The following FBXO42 variants were observed in gnomAD, a reference collection of about 807,000 sequenced individuals.
FBXO42 encodes F-box protein 42.
In FBXO42, 12 loss-of-function variants were observed where a neutral mutation model predicts 71.7. The observed-to-expected ratio is 0.17, with a 90% CI of 0.11 to 0.27. The LOEUF (loss-of-function observed/expected upper bound fraction) is 0.27. Among genes scored for constraint, FBXO42 ranks in the 10% least tolerant of loss-of-function variants. The pLI is 1.00. For synonymous variants in FBXO42, 325 were observed against 327.5 expected, an observed-to-expected ratio of 0.99 and a Z score of 0.08; for missense variants, 707 against 911.9, an observed-to-expected ratio of 0.78 and a Z score of 2.89.
chr1:16,290,200 T>C (rs968139014), intron 4 of FBXO42, among the ~76,000 whole-genome samples: 15 of 152,208 alleles, frequency 9.9e-5, no homozygotes, highest in African/African-American at 3.6e-4. Context: ...TCTATCATTT[T>C]GAAAGGAACT....
intron 1 of FBXO42, among the ~76,000 whole-genome samples, chr1:16,326,572 T>C (rs887332436): frequency 1.3e-5 from 2 of 150,448 alleles, no homozygotes; most frequent in Non-Finnish European, 1.5e-5. Context: ...TAGTCTCAGC[T>C]ACTCAGGAGG....
At chr1:16,310,488 G>A (rs867909928) in intron 2 of FBXO42, among the ~76,000 whole-genome samples, 41 of 152,076 alleles carry the variant, frequency 2.7e-4, no homozygotes, top group Admixed American at 3.9e-4. Context: ...CCCTGATCAC[G>A]CCACTAGACT....
At position 16,247,924 on chromosome 1, in the gene FBXO42, C is replaced by T. The variant is rs2081550735; in HGVS notation, c.*2746G>A. 1 of 152,134 alleles carries T rather than the reference C, an allele frequency of 6.6e-6. No individual in the cohort carries two copies. Among genetic ancestry groups the T allele is most frequent in the Non-Finnish European group, 1.5e-5 (1 of 68,036 alleles). The allele number at this position is 152,134 out of a possible 1,614,324, so 9.4% of individuals were successfully genotyped here. ...AAGGTGACCAGTGAAGTCACTAGGC[C>T]ATGGGAGCTCTCAAAAGGCACACTT... On this transcript the variant is annotated 3_prime_UTR_variant, in exon 10 of 10. Transcript: ENST00000375592.
chr1:16,338,229 C>A (rs1490984042), intron 1 of FBXO42, among the ~76,000 whole-genome samples: 1 of 151,574 alleles, frequency 6.6e-6, no homozygotes, highest in African/African-American at 2.4e-5. Flanking sequence ...CCACTGCACT[C>A]CAGCCTGGAC....
chr1:16,265,998 TACAC>T (rs1462879125), intron 4 of FBXO42, among the ~76,000 whole-genome samples: 1 of 151,922 alleles, frequency 6.6e-6, no homozygotes, highest in Non-Finnish European at 1.5e-5. Context: ...ACTCTAGTCT[TACAC>T]ACTTCAGACT....
intron 4 of FBXO42, chr1:16,294,271 C>T (rs2082107469): frequency 6.6e-6 from 1 of 152,330 alleles, no homozygotes; most frequent in Non-Finnish European, 1.5e-5. Context: ...TGCCAGATTT[C>T]TGGCATAGTG....
At chr1:16,297,280 C>T (rs1024555670) in intron 3 of FBXO42, among the ~76,000 whole-genome samples, 7 of 152,038 alleles carry the variant, frequency 4.6e-5, no homozygotes, top group Admixed American at 1.3e-4. Context: ...TTCAGCCCTC[C>T]TGTTAGACCC....
intron 1 of FBXO42, among the ~76,000 whole-genome samples, chr1:16,338,894 T>C (rs2082577922): frequency 7.6e-6 from 1 of 130,962 alleles, no homozygotes; most frequent in South Asian, 2.7e-4. Flanking sequence ...CACTGCAACC[T>C]CCGCCTCCCA....
At chr1:16,303,679 T>C (rs996898136) in intron 3 of FBXO42, among the ~76,000 whole-genome samples, 16 of 152,014 alleles carry the variant, frequency 1.1e-4, no homozygotes, top group Non-Finnish European at 1.8e-4. Flanking sequence ...GTGATTCTCC[T>C]GCCTCAGCCT....
intron 4 of FBXO42, among the ~76,000 whole-genome samples, chr1:16,272,010 C>G (rs2081851190): frequency 6.7e-6 from 1 of 150,194 alleles, no homozygotes; most frequent in Non-Finnish European, 1.5e-5. Context: ...ACAAAAATAG[C>G]TGGGCGTGGT....
At chr1:16,297,474 T>C (rs2082142846) in intron 3 of FBXO42, among the ~76,000 whole-genome samples, 1 of 152,082 alleles carries the variant, frequency 6.6e-6, no homozygotes, top group South Asian at 2.1e-4. Flanking sequence ...CCAAAGAAAT[T>C]AGACAAAACA....
intron 1 of FBXO42, among the ~76,000 whole-genome samples, chr1:16,335,882 A>C (rs1402362653): frequency 6.6e-6 from 1 of 151,904 alleles, no homozygotes; most frequent in Non-Finnish European, 1.5e-5. Context: ...AAAAAAAAAA[A>C]AAACCTTTTG....
At chr1:16,291,692 G>C (rs1365407530) in intron 4 of FBXO42, among the ~76,000 whole-genome samples, 1 of 151,818 alleles carries the variant, frequency 6.6e-6, no homozygotes, top group African/African-American at 2.4e-5. Context: ...TATTTTTTGA[G>C]ACAGGGTCTC....
At position 16,251,589 on chromosome 1, in the gene FBXO42, C is replaced by G. The variant is rs1286546128; in HGVS notation, c.1235G>C (p.Arg412Thr). The G allele has an allele frequency of 1.2e-6, 2 of 1,614,182 alleles. No homozygotes were observed. The highest frequency in any genetic ancestry group is 2.2e-5 in the South Asian group (2 of 91,078). ...AGGAGTCTGCCTTTGAGCCCTGGGT[C>G]TCAGTGTTCCCCAGCGGCCGTTAAC... is the stretch of plus-strand genomic sequence containing the variant. ...PCVNGRWGTL[R>T]PRAQRQTPSG... The change falls in exon 10 of 10, where the codon AGA (arginine) becomes ACA (threonine). Residue 412 changes from arginine (R) to threonine (T), a missense_variant. By Grantham distance (71) the Arg-to-Thr change is moderately conservative. This residue lies in a region of FBXO42 where 482 missense variants were observed against 587.1 expected (regional missense o/e 0.82). Transcript: ENST00000375592. This position sits in a 1 kb window ranked among gnomAD's most constrained non-coding sequence, Gnocchi z 4.5.
At chr1:16,300,222 C>G (rs2082176822) in intron 3 of FBXO42, among the ~76,000 whole-genome samples, 1 of 152,164 alleles carries the variant, frequency 6.6e-6, no homozygotes, top group Non-Finnish European at 1.5e-5. Context: ...AGTATGAATA[C>G]TGGGCTAACA....
rs140796985 is a variant in FBXO42 at position 16,338,868 on chromosome 1, T to A, written c.-18+13387A>T. 5.0e-5 allele frequency among the ~76,000 whole-genome samples: 7 copies of A among 141,266 alleles called. No homozygotes were observed. In the East Asian group the frequency reaches 1.5e-3, roughly 30 times the overall value. The allele number at this position is 141,266 out of a possible 152,430, so 92.7% of individuals were successfully genotyped here. A position where few individuals can be genotyped will look rare whatever the true frequency, so the allele number is the denominator to read the frequency against. ...CCCTTTTCCCCAGGCTGGAGTGCAG[T>A]GGCACAATCGCGGCTCACTGCAACC... is the stretch of plus-strand genomic sequence containing the variant. On this transcript the variant is annotated intron_variant, in intron 1 of 9. Coordinates refer to ENST00000375592, the MANE Select transcript of FBXO42 (RefSeq NM_018994.3).
At chr1:16,287,970 C>A (rs1235021574) in intron 4 of FBXO42, among the ~76,000 whole-genome samples, 1 of 152,036 alleles carries the variant, frequency 6.6e-6, no homozygotes, top group Non-Finnish European at 1.5e-5. Context: ...CGTGATGAAA[C>A]CCTGTCTCTA....
chr1:16,262,188 G>A lies in FBXO42; in HGVS notation c.503-5429C>T, dbSNP rs893608244. Among the ~76,000 whole-genome samples the A allele has an allele frequency of 3.9e-5, 6 of 152,084 alleles. No individual in the cohort carries two copies. The East Asian group carries it at 9.6e-4, about 24-fold the overall frequency. ...ACATATTTCATATATATGTGTGTGT[G>A]TATATGTATATATATTTTAAGATGG... On this transcript the variant is annotated intron_variant, in intron 4 of 9. Coordinates refer to ENST00000375592, the MANE Select transcript of FBXO42 (RefSeq NM_018994.3).
In FBXO42 at chr1:16,251,803, A is replaced by G. The variant is rs749829689; in HGVS notation, c.1039-18T>C. On this transcript the variant is annotated intron_variant, in intron 9 of 9. Transcript: ENST00000375592. The surrounding 1 kb of genome is among the most constrained non-coding windows in gnomAD (Gnocchi z 4.5). ...TGTCCCACCTGGAAGACAAAGGACC[A>G]GTGCTCACACTCTTCTATGATTCTG... 1.5e-5 allele frequency: 24 copies of G among 1,605,124 alleles called. No individual in the cohort carries two copies. The highest frequency in any genetic ancestry group is 2.0e-5 in the Non-Finnish European group (23 of 1,175,116).
Sources: gnomAD v4.1 joint callset for allele counts (sites outside exome capture counted in the v4.1 genomes callset) on GRCh38, gnomAD v4.1.1 for gene constraint, gnomAD v4.1.1 regional missense constraint, Gnocchi (gnomAD v3.1) non-coding constraint, MANE v1.5 for transcripts, NCBI Gene and HGNC (gene_info 2026-07-23, HGNC 2026-07-21) for gene names.